Variants in STXBP4 observed in about 807,000 individuals in gnomAD.
STXBP4 encodes syntaxin binding protein 4, also known as syntaxin-binding protein 4.
Under a neutral mutation model 76.1 loss-of-function variants are expected in STXBP4, and 55 were observed. The ratio of observed to expected loss-of-function variants is 0.72; its 90% confidence interval spans 0.58 to 0.91. The LOEUF (loss-of-function observed/expected upper bound fraction) is 0.91, where lower values mean the gene tolerates loss of function less well. Among genes scored for constraint, STXBP4 ranks in the 40% least tolerant of loss-of-function variants. The probability of loss-of-function intolerance (pLI) is 0.00; values close to 1 mark genes in which losing one functional copy is unlikely to be tolerated. For missense variants in STXBP4, 618 were observed against 636.9 expected (o/e 0.97, Z 0.32); for synonymous variants, 201 against 220.2 (o/e 0.91, Z 0.77).
chr17:55,010,871 CATTT>C (rs1291322749), intron 8 of STXBP4, among the ~76,000 whole-genome samples: 4 of 152,268 alleles, frequency 2.6e-5, no homozygotes, highest in South Asian at 4.1e-4. Flanking sequence ...AACTTCAGCA[CATTT>C]ATTTGTCTAA....
chr17:55,192,302 C>A, the STXBP4 span, among the ~76,000 whole-genome samples: 1 of 152,108 alleles, frequency 6.6e-6, no homozygotes, highest in African/African-American at 2.4e-5. Flanking sequence ...TCACAGGTAT[C>A]CTGGAACCAC....
chr17:55,213,195 C>G, the STXBP4 span, among the ~76,000 whole-genome samples: 1 of 152,046 alleles, frequency 6.6e-6, no homozygotes, highest in African/African-American at 2.4e-5. Context: ...AGGTAAGAAC[C>G]AGTAGGGCTA....
At chr17:55,021,575 C>T (rs1268880323) in intron 8 of STXBP4, among the ~76,000 whole-genome samples, 1 of 152,074 alleles carries the variant, frequency 6.6e-6, no homozygotes, top group African/African-American at 2.4e-5. Flanking sequence ...TGTCTTTATG[C>T]TCACTTACCT....
intron 8 of STXBP4, among the ~76,000 whole-genome samples, chr17:55,014,024 A>T (rs989609024): frequency 5.3e-5 from 8 of 152,140 alleles, no homozygotes; most frequent in Non-Finnish European, 1.0e-4. Context: ...TAATCCTGAG[A>T]TCTTGCACTA....
rs34336794 is a variant in STXBP4 at position 55,047,185 on chromosome 17, C to CGTGTGTGTGTGTGT, written c.1011+51_1011+64dup. 4,351 of 807,860 alleles carry CGTGTGTGTGTGTGT rather than the reference C, an allele frequency of 5.4e-3. 115 individuals are homozygous for CGTGTGTGTGTGTGT. The African/African-American group carries it at 0.06, about 11-fold the overall frequency. 50.0% of individuals were successfully genotyped at this position (807,860 alleles called of 1,614,324 possible). ...TATATGTATTGTGTATATATGTGCT[C>CGTGTGTGTGTGTGT]GTGTGTGTGTGTGTGTGTGTGTGTG... On this transcript the variant is annotated intron_variant, in intron 12 of 17. Coordinates refer to ENST00000376352, the MANE Select transcript of STXBP4 (RefSeq NM_178509.6).
chr17:55,205,507 AC>A, the STXBP4 span, among the ~76,000 whole-genome samples: 1 of 150,386 alleles, frequency 6.6e-6, no homozygotes, highest in Non-Finnish European at 1.5e-5. Flanking sequence ...AAACATATAA[AC>A]AACAAACTGG....
In STXBP4 at chr17:54,999,370, A is replaced by G. The variant is rs2077869119; in HGVS notation, c.206A>G (p.Gln69Arg). The change falls in exon 5 of 18, where the codon CAA becomes CGA. Residue 69 changes from glutamine (Q) to arginine (R), a missense_variant. Physicochemically the swap from Gln to Arg is conservative, Grantham distance 43. Coordinates refer to ENST00000376352, the MANE Select transcript of STXBP4 (RefSeq NM_178509.6). ...GATGGTCGTTTGAAGCCAGGAGATCAACTTGTCTCAGTCAACAAGGAATCT... is the reference window on the plus strand; with the variant it reads ...GATGGTCGTTTGAAGCCAGGAGATCGACTTGTCTCAGTCAACAAGGAATCT... ...YKDGRLKPGDQLVSVNKESMI... is the reference protein window; with the variant it reads ...YKDGRLKPGDRLVSVNKESMI... 1 of 1,612,144 alleles carries G rather than the reference A, an allele frequency of 6.2e-7. No homozygotes were observed. Among genetic ancestry groups the G allele is most frequent in the Non-Finnish European group, 8.5e-7 (1 of 1,179,392 alleles).
At chr17:55,019,010 T>C (rs745427990) in intron 8 of STXBP4, among the ~76,000 whole-genome samples, 50 of 152,222 alleles carry the variant, frequency 3.3e-4, no homozygotes, top group Non-Finnish European at 7.3e-5. Flanking sequence ...ACAAAAATAC[T>C]TGGCTCATAG....
At position 55,173,514 on chromosome 17, in the gene STXBP4, A is replaced by T. The variant is rs1009739254; in HGVS notation, c.*13603A>T. On this transcript the variant is annotated 3_prime_UTR_variant, in exon 18 of 18. Coordinates refer to ENST00000376352, the MANE Select transcript of STXBP4 (RefSeq NM_178509.6). ...TGTGTATCAGTAGTTTGTTTTTATTACTGGGTTATAGTTCATTGTATGGAT... is the reference window on the plus strand; with the variant it reads ...TGTGTATCAGTAGTTTGTTTTTATTTCTGGGTTATAGTTCATTGTATGGAT... 6.6e-6 allele frequency: 1 copy of T among 152,152 alleles called. No individual in the cohort carries two copies. Among genetic ancestry groups the T allele is most frequent in the Non-Finnish European group, 1.5e-5 (1 of 68,034 alleles). 9.4% of individuals were successfully genotyped at this position (152,152 alleles called of 1,614,324 possible).
intron 17 of STXBP4, among the ~76,000 whole-genome samples, chr17:55,150,123 T>G (rs1486129965): frequency 6.6e-6 from 1 of 152,170 alleles, no homozygotes; most frequent in Non-Finnish European, 1.5e-5. Flanking sequence ...TTAGATTTAC[T>G]AACAAATACT....
intron 16 of STXBP4, among the ~76,000 whole-genome samples, chr17:55,103,952 G>A (rs2079597648): frequency 6.6e-6 from 1 of 152,196 alleles, no homozygotes; most frequent in Non-Finnish European, 1.5e-5. Flanking sequence ...GTATAGGAAT[G>A]CTTGTGATTT....
intron 16 of STXBP4, among the ~76,000 whole-genome samples, chr17:55,084,961 A>G (rs1228711596): frequency 1.3e-5 from 2 of 152,184 alleles, no homozygotes; most frequent in African/African-American, 2.4e-5. Flanking sequence ...AACCAACCCA[A>G]ATGTCCAACA....
intron 7 of STXBP4, among the ~76,000 whole-genome samples, chr17:55,004,574 A>C (rs1450453829): frequency 6.6e-6 from 1 of 151,876 alleles, no homozygotes; most frequent in Non-Finnish European, 1.5e-5. Flanking sequence ...GGTGGCATAC[A>C]CCTGTGGTTC....
chr17:55,023,775 C>T (rs2078357698), intron 8 of STXBP4, among the ~76,000 whole-genome samples: 4 of 152,130 alleles, frequency 2.6e-5, no homozygotes, highest in Non-Finnish European at 4.4e-5. Context: ...GTACTGACAT[C>T]ATATGGCTCA....
At chr17:55,155,294 G>A (rs912626482) in intron 17 of STXBP4, among the ~76,000 whole-genome samples, 2 of 151,930 alleles carry the variant, frequency 1.3e-5, no homozygotes, top group African/African-American at 4.8e-5. Flanking sequence ...CATTGACAAG[G>A]TTCACCTTGT....
intron 16 of STXBP4, among the ~76,000 whole-genome samples, chr17:55,089,166 G>A (rs555820147): frequency 6.2e-4 from 95 of 152,312 alleles, no homozygotes; most frequent in African/African-American, 2.2e-3. Flanking sequence ...AGAGCCTCTG[G>A]TAGGGTAAGA....
At chr17:54,990,473 C>T (rs1468019407) in intron 3 of STXBP4, among the ~76,000 whole-genome samples, 2 of 152,154 alleles carry the variant, frequency 1.3e-5, no homozygotes. Flanking sequence ...GTCACTGTCT[C>T]CCCTCACCCC....
In STXBP4 at chr17:55,052,987, T is replaced by TAAA. The variant is rs71361753; in HGVS notation, c.1011+5843_1011+5845dup. Among the ~76,000 whole-genome samples the TAAA allele has an allele frequency of 4.3e-4, 57 of 133,888 alleles. 1 individual carries two copies. Among genetic ancestry groups the TAAA allele is most frequent in the Admixed American group, 1.3e-3 (17 of 12,906 alleles). 87.8% of individuals were successfully genotyped at this position (133,888 alleles called of 152,430 possible). ...TTTAGAAATGTCAATGCTATTTTCT[T>TAAA]AAAAAAAAAAAAGGTAATAAAAGTT... On this transcript the variant is annotated intron_variant, in intron 12 of 17. Coordinates refer to ENST00000376352, the MANE Select transcript of STXBP4 (RefSeq NM_178509.6).
intron 4 of STXBP4, among the ~76,000 whole-genome samples, chr17:54,995,796 T>G (rs2077791956): frequency 6.6e-6 from 1 of 152,238 alleles, no homozygotes; most frequent in South Asian, 2.1e-4. Flanking sequence ...CTTTGCAGTG[T>G]CACTCTCTTT....
Sources: allele counts gnomAD v4.1 joint callset (sites outside exome capture counted in the v4.1 genomes callset), GRCh38; gene constraint gnomAD v4.1.1; transcripts MANE v1.5; gene names NCBI Gene and HGNC (gene_info 2026-07-23, HGNC 2026-07-21).